Variants in PCNX1 observed in about 807,000 individuals in gnomAD.
PCNX1 encodes pecanex 1.
In PCNX1, 78 loss-of-function variants were observed where a neutral mutation model predicts 242.2. That is an observed-to-expected ratio of 0.32 (90% CI 0.27 to 0.39). PCNX1 has a LOEUF of 0.39. Ranked by LOEUF, PCNX1 falls within the 10% of genes least tolerant of loss-of-function variation. The pLI, the probability that PCNX1 is intolerant of heterozygous loss-of-function variation, is 1.00. For missense variants in PCNX1, 2,581 were observed against 2,856.5 expected (o/e 0.90, Z 2.20); for synonymous variants, 1,024 against 1,032.9 (o/e 0.99, Z 0.17).
chr14:71,089,684 T>G (rs2141658182), intron 30 of PCNX1, among the ~76,000 whole-genome samples: 1 of 152,308 alleles, frequency 6.6e-6, no homozygotes, highest in South Asian at 2.1e-4. Flanking sequence ...CTCTCATGAT[T>G]CAATTACCTC....
At chr14:71,009,174 C>A (rs558191248) in intron 8 of PCNX1, among the ~76,000 whole-genome samples, 1 of 152,282 alleles carries the variant, frequency 6.6e-6, no homozygotes, top group African/African-American at 2.4e-5. Flanking sequence ...TTCTTAGATA[C>A]ACTTGGACAC....
intron 6 of PCNX1, among the ~76,000 whole-genome samples, chr14:70,984,816 T>G (rs927971284): frequency 6.6e-6 from 1 of 152,256 alleles, no homozygotes; most frequent in East Asian, 1.9e-4. Context: ...CCAGCTATTC[T>G]AAAAGTATAT....
At chr14:71,066,737 C>T (rs2061456901) in intron 26 of PCNX1, among the ~76,000 whole-genome samples, 1 of 152,090 alleles carries the variant, frequency 6.6e-6, no homozygotes, top group African/African-American at 2.4e-5. Flanking sequence ...ATGATATTAG[C>T]TGTGGGTTTG....
At chr14:70,938,412 G>A (rs1402500459) in intron 1 of PCNX1, among the ~76,000 whole-genome samples, 1 of 152,172 alleles carries the variant, frequency 6.6e-6, no homozygotes, top group Non-Finnish European at 1.5e-5. Context: ...CTTTGGTTCT[G>A]TTTATATGCT....
At position 71,114,909 on chromosome 14, in the gene PCNX1, A is replaced by G. The variant is rs1365309604; in HGVS notation, c.*4974A>G. 6.8e-5 allele frequency: 8 copies of G among 118,360 alleles called. No individual in the cohort carries two copies. Among genetic ancestry groups the G allele is most frequent in the Non-Finnish European group, 1.3e-4 (8 of 60,982 alleles). 7.3% of individuals were successfully genotyped at this position (118,360 alleles called of 1,614,324 possible). A position where few individuals can be genotyped will look rare whatever the true frequency, so the allele number is the denominator to read the frequency against. On this transcript the variant is annotated 3_prime_UTR_variant, in exon 36 of 36. Transcript: ENST00000304743. ...TGTGATTGAACAAGATTTTTTATCT[A>G]TGAAGCTTGATTCTACAACCAAAAT...
intron 1 of PCNX1, among the ~76,000 whole-genome samples, chr14:70,942,028 T>C (rs1229883343): frequency 1.3e-5 from 2 of 152,202 alleles, no homozygotes; most frequent in Non-Finnish European, 2.9e-5. Flanking sequence ...GTGCCATCTG[T>C]CACAGCTTCC....
chr14:71,065,577 C>A (rs2061425953), intron 26 of PCNX1, among the ~76,000 whole-genome samples: 1 of 152,182 alleles, frequency 6.6e-6, no homozygotes, highest in Admixed American at 6.5e-5. Flanking sequence ...GTTGCCTGCT[C>A]ACTCTAATGA....
At chr14:70,944,688 G>A (rs1482002280) in intron 1 of PCNX1, among the ~76,000 whole-genome samples, 1 of 152,092 alleles carries the variant, frequency 6.6e-6, no homozygotes, top group Non-Finnish European at 1.5e-5. Flanking sequence ...ATGATGGCTT[G>A]GCTCTGTGTC....
intron 8 of PCNX1, among the ~76,000 whole-genome samples, chr14:71,005,922 T>C (rs1269578366): frequency 1.7e-5 from 2 of 121,088 alleles, no homozygotes; most frequent in East Asian, 4.2e-4. Flanking sequence ...GTATCTTAAC[T>C]TTTTTTTTTT....
intron 8 of PCNX1, among the ~76,000 whole-genome samples, chr14:71,008,463 T>G (rs571999927): frequency 3.9e-4 from 59 of 152,074 alleles, no homozygotes; most frequent in African/African-American, 1.4e-3. Context: ...AAGACCATCC[T>G]GGCTAACACG....
chr14:71,016,414 A>G (rs1329137518), intron 11 of PCNX1, among the ~76,000 whole-genome samples: 1 of 152,222 alleles, frequency 6.6e-6, no homozygotes, highest in Non-Finnish European at 1.5e-5. Context: ...GGTTGCATTT[A>G]TGGAACACTG....
chr14:71,055,637 A>G, intron 25 of PCNX1, 75 bp downstream of exon 25: 7 of 841,416 alleles, frequency 8.3e-6, no homozygotes, highest in Middle Eastern at 2.9e-4. Flanking sequence ...ATTCACTCCT[A>G]ACTTGTTGGG....
chr14:70,935,823 A>G (rs1205450819), intron 1 of PCNX1, among the ~76,000 whole-genome samples: 1 of 152,234 alleles, frequency 6.6e-6, no homozygotes. Context: ...ACCTCGCTTA[A>G]TATTGATATT....
chr14:71,028,846 G>A (rs1289044643), intron 16 of PCNX1, 55 bp downstream of exon 16: 19 of 1,085,036 alleles, frequency 1.8e-5, no homozygotes, highest in South Asian at 1.5e-4. Context: ...CTATATGAAG[G>A]TTGTTTTAAA....
chr14:70,993,593 G>A (rs1042963328), intron 7 of PCNX1, among the ~76,000 whole-genome samples: 4 of 151,914 alleles, frequency 2.6e-5, no homozygotes, highest in African/African-American at 9.7e-5. Flanking sequence ...GATATACATT[G>A]TGCATCTCTG....
At chr14:71,036,277 C>G (rs2140979903) in intron 19 of PCNX1, 120 bp downstream of exon 19, 2 of 663,212 alleles carry the variant, frequency 3.0e-6, no homozygotes, top group Admixed American at 4.2e-5. Context: ...TCCCTGGGCT[C>G]AAGTGATCCT....
rs2062775917 is a variant in PCNX1, at chr14:71,112,670, TGC to T, written c.*2736_*2737del. ...TAGTGAGTGACTCGTTTAGATTCTCTGCTTTTTTTCAGTTATGTACAAGACTT... is the reference window on the plus strand; with the variant it reads ...TAGTGAGTGACTCGTTTAGATTCTCTTTTTTTTCAGTTATGTACAAGACTT... On this transcript the variant is annotated 3_prime_UTR_variant, in exon 36 of 36. Transcript: ENST00000304743. The T allele has an allele frequency of 6.6e-6, 1 of 152,170 alleles. No individual in the cohort carries two copies. Among genetic ancestry groups the T allele is most frequent in the South Asian group, 2.1e-4 (1 of 4,832 alleles). The allele number at this position is 152,170 out of a possible 1,614,324, so 9.4% of individuals were successfully genotyped here. A position where few individuals can be genotyped will look rare whatever the true frequency, so the allele number is the denominator to read the frequency against.
intron 26 of PCNX1, among the ~76,000 whole-genome samples, chr14:71,070,342 T>C (rs554428160): frequency 6.6e-6 from 1 of 152,348 alleles, no homozygotes; most frequent in African/African-American, 2.4e-5. Context: ...GAATCATGAA[T>C]GTCCTTACTG....
intron 8 of PCNX1, among the ~76,000 whole-genome samples, chr14:71,006,137 G>A (rs942333689): frequency 1.8e-5 from 2 of 108,178 alleles, no homozygotes; most frequent in East Asian, 5.1e-4. Flanking sequence ...GTGTGTGTGT[G>A]TGTGTGTGTG....
Sources: gnomAD v4.1 joint callset for allele counts (sites outside exome capture counted in the v4.1 genomes callset) on GRCh38, gnomAD v4.1.1 for gene constraint, MANE v1.5 for transcripts, NCBI Gene and HGNC (gene_info 2026-07-23, HGNC 2026-07-21) for gene names.